Variants in OCSTAMP observed in about 807,000 individuals in gnomAD.
The protein encoded by OCSTAMP is osteoclast stimulatory transmembrane protein.
In OCSTAMP, 17 loss-of-function variants were observed where a neutral mutation model predicts 25.2. The observed-to-expected ratio is 0.68, with a 90% CI of 0.46 to 1.01. The LOEUF is 1.01. OCSTAMP is among the 50% of genes least tolerant of loss of function. The probability of loss-of-function intolerance (pLI) is 0.00; values close to 1 mark genes in which losing one functional copy is unlikely to be tolerated. For missense variants in OCSTAMP, 664 were observed against 694.6 expected, an observed-to-expected ratio of 0.96 and a Z score of 0.50; for synonymous variants, 345 against 318.9, an observed-to-expected ratio of 1.08 and a Z score of -0.87.
At chr20:46,543,775 A>C (rs1434818513) in intron 2 of OCSTAMP, among the ~76,000 whole-genome samples, 1 of 152,242 alleles carries the variant, frequency 6.6e-6, no homozygotes, top group Non-Finnish European at 1.5e-5. Context: ...AATTGGTAGC[A>C]TTTTCTGCCC....
At chr20:46,544,484 C>T (rs1381130026) in intron 2 of OCSTAMP, among the ~76,000 whole-genome samples, 1 of 151,988 alleles carries the variant, frequency 6.6e-6, no homozygotes, top group Admixed American at 6.6e-5. Context: ...ATTATTAGCT[C>T]GAAGTTTGAC....
At chr20:46,547,745 C>G (rs549872017) in intron 1 of OCSTAMP, among the ~76,000 whole-genome samples, 1 of 152,150 alleles carries the variant, frequency 6.6e-6, no homozygotes, top group African/African-American at 2.4e-5. Flanking sequence ...CAGATACAGA[C>G]AACTCTTTCC....
intron 2 of OCSTAMP, among the ~76,000 whole-genome samples, chr20:46,542,507 A>C (rs544443774): frequency 1.3e-3 from 196 of 146,098 alleles, no homozygotes; most frequent in Non-Finnish European, 2.4e-3. Flanking sequence ...CTTGAGCCCG[A>C]GAGGGGAGGG....
intron 2 of OCSTAMP, among the ~76,000 whole-genome samples, chr20:46,543,659 C>A (rs186609127): frequency 2.0e-5 from 3 of 151,816 alleles, no homozygotes; most frequent in Admixed American, 1.3e-4. Context: ...TTTATGTATA[C>A]GCGAGAAAGA....
intron 2 of OCSTAMP, among the ~76,000 whole-genome samples, chr20:46,544,375 A>G (rs2061844701): frequency 6.6e-6 from 1 of 152,270 alleles, no homozygotes; most frequent in Non-Finnish European, 1.5e-5. Context: ...CATTAAAAAC[A>G]CTATTTATGA....
chr20:46,544,088 G>A (rs931754858), intron 2 of OCSTAMP, among the ~76,000 whole-genome samples: 2 of 152,180 alleles, frequency 1.3e-5, no homozygotes, highest in South Asian at 4.1e-4. Flanking sequence ...GTGCATGCCT[G>A]TAGTCTCAGC....
chr20:46,549,806 C>CTGTGTGTGTGTGTGTGTGTGTGTGTG (rs767000638), intron 1 of OCSTAMP, among the ~76,000 whole-genome samples: 9,832 of 142,230 alleles, frequency 0.069, 578 homozygotes, highest in Middle Eastern at 0.096. Flanking sequence ...TTGTGGCCCA[C>CTGTGTGTGTGTGTGTGTGTGTGTGTG]TCTGTGTGTG....
chr20:46,541,791 C>G lies in OCSTAMP; in HGVS notation c.1184G>C (p.Arg395Pro). ...TSARCPLLPA[R>P]RPRAAAPLAA... ...CAGCGGGGCAGCTGCGCGGGGACGC[C>G]GGGCGGGTAGCAGTGGGCAGCGGGC... Residue 395 changes from arginine to proline, a missense_variant, in exon 3 of 3, where the codon CGG becomes CCG. Coordinates refer to ENST00000279028, the MANE Select transcript of OCSTAMP (RefSeq NM_080721.3). 1 of 1,495,906 alleles carries G rather than the reference C, an allele frequency of 6.7e-7. No homozygotes were observed. Among genetic ancestry groups the G allele is most frequent in the Middle Eastern group, 2.1e-4 (1 of 4,722 alleles). 92.7% of individuals were successfully genotyped at this position (1,495,906 alleles called of 1,614,324 possible).
At chr20:46,547,628 G>T (rs996923923) in intron 1 of OCSTAMP, among the ~76,000 whole-genome samples, 1 of 152,230 alleles carries the variant, frequency 6.6e-6, no homozygotes, top group African/African-American at 2.4e-5. Context: ...CCTATTAGCC[G>T]CTTAGAGGTC....
rs1225654482 is a variant in OCSTAMP, at chr20:46,546,370, G to T, written c.45-41C>A. On this transcript the variant is annotated intron_variant, in intron 1 of 2. Coordinates refer to ENST00000279028, the MANE Select transcript of OCSTAMP (RefSeq NM_080721.3). ...TTGAAGGGCATCTCTATCAGGAGGT[G>T]GGTGGGTGGGTGTCTGTCCACTGCC... 14 of 1,477,364 alleles carry T rather than the reference G, an allele frequency of 9.5e-6. No homozygotes were observed. The Admixed American group carries it at 2.2e-4, about 24-fold the overall frequency. 91.5% of individuals were successfully genotyped at this position (1,477,364 alleles called of 1,614,324 possible).
intron 1 of OCSTAMP, among the ~76,000 whole-genome samples, chr20:46,549,060 C>T (rs2061862054): frequency 6.6e-6 from 1 of 152,100 alleles, no homozygotes; most frequent in Non-Finnish European, 1.5e-5. Flanking sequence ...GGACCTGGAT[C>T]CAGAAATGCC....
chr20:46,548,996 C>T (rs532607095), intron 1 of OCSTAMP, among the ~76,000 whole-genome samples: 166 of 152,304 alleles, frequency 1.1e-3, no homozygotes, highest in South Asian at 6.8e-3. Flanking sequence ...ATGAAGGCAA[C>T]ACAAGGAAAA....
chr20:46,548,498 C>T (rs1312627763), intron 1 of OCSTAMP, among the ~76,000 whole-genome samples: 8 of 152,046 alleles, frequency 5.3e-5, no homozygotes, highest in South Asian at 2.1e-4. Context: ...AAGATGCTGG[C>T]GGAGGTGATG....
chr20:46,545,251 A>T (rs2146053464), intron 2 of OCSTAMP, 76 bp downstream of exon 2: 7 of 1,378,896 alleles, frequency 5.1e-6, no homozygotes, highest in Non-Finnish European at 6.6e-6. Flanking sequence ...ATTTCATCAC[A>T]AGTCAAGGGT....
intron 1 of OCSTAMP, among the ~76,000 whole-genome samples, chr20:46,548,822 G>A (rs189191975): frequency 5.3e-5 from 8 of 152,328 alleles, no homozygotes; most frequent in Non-Finnish European, 8.8e-5. Flanking sequence ...CCTGGCCACC[G>A]TGACTGGTGC....
rs768661619 is a variant in OCSTAMP at position 46,541,335 on chromosome 20, T to C, written c.1640A>G (p.Tyr547Cys). Residue 547 changes from tyrosine to cysteine, a missense_variant, in exon 3 of 3, where the codon TAC becomes TGC. Physicochemically the swap from Tyr to Cys is radical, Grantham distance 194. Coordinates refer to ENST00000279028, the MANE Select transcript of OCSTAMP (RefSeq NM_080721.3). Reference sequence around the variant, plus strand: ...CCTGACCACATCCCTGCGTGGGAAGTAGGTCACATCAATGGTAAATATGCT... The same window carrying C: ...CCTGACCACATCCCTGCGTGGGAAGCAGGTCACATCAATGGTAAATATGCT... ...NDSIFTIDVT[Y>C]FPRRDVVRME... The C allele has an allele frequency of 7.1e-5, 53 of 749,842 alleles. No individual in the cohort carries two copies. The highest frequency in any genetic ancestry group is 1.2e-4 in the Admixed American group (6 of 50,036). The allele number at this position is 749,842 out of a possible 1,614,324, so 46.4% of individuals were successfully genotyped here.
intron 1 of OCSTAMP, among the ~76,000 whole-genome samples, chr20:46,550,259 G>A (rs1268169440): frequency 1.3e-5 from 2 of 152,210 alleles, no homozygotes; most frequent in Non-Finnish European, 1.5e-5. Flanking sequence ...GCTGTTTAGT[G>A]AGTGCTTCCT....
intron 2 of OCSTAMP, among the ~76,000 whole-genome samples, chr20:46,544,459 A>G (rs1277517077): frequency 2.0e-5 from 3 of 152,226 alleles, no homozygotes; most frequent in African/African-American, 7.2e-5. Context: ...TACTTGATAA[A>G]TATAAACTGT....
chr20:46,545,961 A>G lies in OCSTAMP; in HGVS notation c.413T>C (p.Val138Ala). ...ATLAIAVVPN[V>A]LANVGAAGQV... ...CCCGGCCGCACCCACGTTGGCCAGG[A>G]CGTTGGGCACCACAGCAATGGCCAG... Residue 138 changes from valine to alanine, a missense_variant, in exon 2 of 3, where the codon GTC becomes GCC. By Grantham distance (64) the Val-to-Ala change is moderately conservative. Coordinates refer to ENST00000279028, the MANE Select transcript of OCSTAMP (RefSeq NM_080721.3). 6.4e-7 allele frequency: 1 copy of G among 1,551,426 alleles called. No individual in the cohort carries two copies. The highest frequency in any genetic ancestry group is 8.7e-7 in the Non-Finnish European group (1 of 1,146,988).
Sources: allele counts gnomAD v4.1 joint callset (sites outside exome capture counted in the v4.1 genomes callset), GRCh38; gene constraint gnomAD v4.1.1; transcripts MANE v1.5; gene names NCBI Gene and HGNC (gene_info 2026-07-23, HGNC 2026-07-21).